AHCYL2: variants seen among roughly 807,000 people sequenced by gnomAD.
AHCYL2 encodes adenosylhomocysteinase like 2.
A neutral mutation model predicts 81.4 loss-of-function variants in AHCYL2; 28 were observed. That is an observed-to-expected ratio of 0.34 (90% CI 0.25 to 0.47). The LOEUF (loss-of-function observed/expected upper bound fraction) is 0.47, where lower values mean the gene tolerates loss of function less well. Among genes scored for constraint, AHCYL2 ranks in the 20% least tolerant of loss-of-function variants. AHCYL2 has a pLI of 1.00. For synonymous variants in AHCYL2, 272 were observed against 290.2 expected (o/e 0.94, Z 0.64); for missense variants, 551 against 785.1 (o/e 0.70, Z 3.56).
rs570876607 is a variant in AHCYL2, at chr7:129,397,979, C to T, written c.823+655C>T. ...TAATACAAATATTAAATGTGTACCC[C>T]AGTGAATTGTACATACGCATTCATT... On this transcript the variant is annotated intron_variant, in intron 5 of 16. Coordinates refer to ENST00000325006, the MANE Select transcript of AHCYL2 (RefSeq NM_015328.4). Among the ~76,000 whole-genome samples, 16 of 152,272 alleles carry T rather than the reference C, an allele frequency of 1.1e-4. No homozygotes were observed. The East Asian group carries it at 3.1e-3, about 29-fold the overall frequency.
At chr7:129,418,142 G>C (rs554187785) in intron 12 of AHCYL2, among the ~76,000 whole-genome samples, 1 of 152,136 alleles carries the variant, frequency 6.6e-6, no homozygotes, top group South Asian at 2.1e-4. Flanking sequence ...TGGGCAAGGG[G>C]GTGAGGAGAA....
intron 1 of AHCYL2, among the ~76,000 whole-genome samples, chr7:129,322,101 GC>G (rs1190119561): frequency 7.3e-6 from 1 of 136,544 alleles, no homozygotes; most frequent in East Asian, 2.1e-4. Flanking sequence ...AGCCTTCTGG[GC>G]CAGGTTTTGT....
intron 1 of AHCYL2, among the ~76,000 whole-genome samples, chr7:129,315,180 C>T (rs964333518): frequency 4.6e-5 from 7 of 152,164 alleles, no homozygotes; most frequent in African/African-American, 1.4e-4. Context: ...TCCTCCCTCT[C>T]TTTTCTTCTC....
intron 1 of AHCYL2, among the ~76,000 whole-genome samples, chr7:129,245,932 T>C (rs1369670845): frequency 6.6e-6 from 1 of 152,252 alleles, no homozygotes; most frequent in African/African-American, 2.4e-5. Flanking sequence ...GTCATACCGT[T>C]TTCCATAGCA....
At chr7:129,264,507 G>A (rs548787145) in intron 1 of AHCYL2, among the ~76,000 whole-genome samples, 40 of 152,296 alleles carry the variant, frequency 2.6e-4, no homozygotes, top group Admixed American at 2.6e-3. Context: ...GGAGATGACC[G>A]AGAGATTGAA....
chr7:129,405,781 C>G, intron 8 of AHCYL2, 55 bp from the exon 9 acceptor site: 1 of 1,535,798 alleles, frequency 6.5e-7, no homozygotes, highest in Non-Finnish European at 8.9e-7. Flanking sequence ...TCAATCTAAC[C>G]TCAAGGGAGA....
chr7:129,370,456 G>A (rs560935611), intron 1 of AHCYL2, among the ~76,000 whole-genome samples: 6 of 152,054 alleles, frequency 3.9e-5, no homozygotes, highest in Non-Finnish European at 7.4e-5. Context: ...CAGCACTTTG[G>A]GGGAGGCCAG....
chr7:129,340,455 C>A (rs539951232), intron 1 of AHCYL2, among the ~76,000 whole-genome samples: 2 of 150,978 alleles, frequency 1.3e-5, no homozygotes, highest in Admixed American at 1.3e-4. Flanking sequence ...ATAGTCCCAG[C>A]TACTCCGGAG....
At chr7:129,375,658 A>G (rs1794645624) in intron 1 of AHCYL2, 2 of 1,380,080 alleles carry the variant, frequency 1.4e-6, no homozygotes, top group Non-Finnish European at 1.9e-6. Context: ...CTGTTGAGCC[A>G]CTAACAGAAA....
chr7:129,266,532 G>A (rs1041066659), intron 1 of AHCYL2, among the ~76,000 whole-genome samples: 2 of 150,640 alleles, frequency 1.3e-5, no homozygotes, highest in African/African-American at 2.4e-5. Context: ...TCCGTCCCCC[G>A]CCAAAAAAAA....
rs771535021 is a variant in AHCYL2, at chr7:129,406,446, C to A, written c.1275C>A (p.Pro425=). Residue 425 remains proline, a synonymous_variant, in exon 10 of 17, where the codon CCC becomes CCA. Transcript: ENST00000325006. This position sits in a 1 kb window ranked among gnomAD's most constrained non-coding sequence, Gnocchi z 4.3. ...GSIVYVTEID[P]ICALQACMDG... ...TTGTGTATGTAACTGAAATTGACCC[C>A]ATCTGTGCCCTGCAAGCCTGGTAAG... is the stretch of plus-strand genomic sequence containing the variant. The A allele has an allele frequency of 6.2e-7, 1 of 1,613,982 alleles. No homozygotes were observed. The highest frequency in any genetic ancestry group is 1.1e-5 in the South Asian group (1 of 91,046).
At chr7:129,414,092 C>T (rs967598094) in intron 12 of AHCYL2, among the ~76,000 whole-genome samples, 11 of 152,034 alleles carry the variant, frequency 7.2e-5, no homozygotes, top group African/African-American at 2.4e-4. Flanking sequence ...GTAGGTTGGT[C>T]CAAGGAAATA....
intron 1 of AHCYL2, among the ~76,000 whole-genome samples, chr7:129,318,967 TAC>T (rs1797921692): frequency 6.6e-6 from 1 of 151,924 alleles, no homozygotes; most frequent in South Asian, 2.1e-4. Flanking sequence ...TGGCAAAAAC[TAC>T]TATAAGCAAA....
intron 2 of AHCYL2, among the ~76,000 whole-genome samples, chr7:129,383,153 T>C (rs78137676): frequency 0.014 from 2,057 of 152,088 alleles, 49 homozygotes; most frequent in African/African-American, 0.048. Flanking sequence ...TTTATAGATA[T>C]CTCTTTTTAT....
At chr7:129,263,499 T>G (rs1795713370) in intron 1 of AHCYL2, among the ~76,000 whole-genome samples, 1 of 152,234 alleles carries the variant, frequency 6.6e-6, no homozygotes, top group South Asian at 2.1e-4. Context: ...ATTTCTTTGC[T>G]TTCCGGGATT....
intron 1 of AHCYL2, among the ~76,000 whole-genome samples, chr7:129,312,780 A>G (rs1797705570): frequency 6.6e-6 from 1 of 152,190 alleles, no homozygotes; most frequent in African/African-American, 2.4e-5. Flanking sequence ...TCTCTAGAAC[A>G]TTCTTGTATA....
intron 1 of AHCYL2, among the ~76,000 whole-genome samples, chr7:129,246,571 C>T (rs946369044): frequency 1.3e-5 from 2 of 152,180 alleles, no homozygotes; most frequent in Non-Finnish European, 2.9e-5. Context: ...GAACTCGGCT[C>T]ACTGTGGTCT....
In AHCYL2 at chr7:129,286,484, G is replaced by A. The variant is rs575931213; in HGVS notation, c.363+61045G>A. ...GTTTGTTTTGTTTTGTTTTGAGACA[G>A]GGTTTCACTCTCATCACCCAGGCTG... On this transcript the variant is annotated intron_variant, in intron 1 of 16. Transcript: ENST00000325006. 1.5e-4 allele frequency among the ~76,000 whole-genome samples: 23 copies of A among 151,856 alleles called. No individual in the cohort carries two copies. In the East Asian group the frequency reaches 4.3e-3, roughly 28 times the overall value.
At chr7:129,409,647 TAG>T (rs1425883194) in intron 11 of AHCYL2, 101 bp downstream of exon 11, 8 of 978,506 alleles carry the variant, frequency 8.2e-6, no homozygotes, top group African/African-American at 1.7e-5. Flanking sequence ...CTCTAAAAGC[TAG>T]AGAGAGATAG....
Sources: gnomAD v4.1 joint callset for allele counts (sites outside exome capture counted in the v4.1 genomes callset) on GRCh38, gnomAD v4.1.1 for gene constraint, Gnocchi (gnomAD v3.1) non-coding constraint, MANE v1.5 for transcripts, NCBI Gene and HGNC (gene_info 2026-07-23, HGNC 2026-07-21) for gene names.